FHIP1A: variants seen among roughly 807,000 people sequenced by gnomAD.
FHIP1A encodes the protein FHF complex subunit HOOK-interacting protein 1A.
FHIP1A carries 61 observed loss-of-function variants against 88.6 expected under a neutral mutation model. The observed-to-expected ratio is 0.69, with a 90% confidence interval of 0.56 to 0.85. The LOEUF (loss-of-function observed/expected upper bound fraction) is 0.85. FHIP1A is among the 40% of genes least tolerant of loss of function. The probability of loss-of-function intolerance (pLI) is 0.00; values close to 1 mark genes in which losing one functional copy is unlikely to be tolerated. For synonymous variants in FHIP1A, 478 were observed against 496.0 expected (o/e 0.96, Z 0.48); for missense variants, 1,154 against 1,273.5 (o/e 0.91, Z 1.43).
chr4:151,594,750 T>G (rs1734583012), intron 7 of FHIP1A, among the ~76,000 whole-genome samples: 1 of 152,102 alleles, frequency 6.6e-6, no homozygotes, highest in Non-Finnish European at 1.5e-5. Flanking sequence ...ATTTTTTGTA[T>G]TTTTAGTAGA....
At chr4:151,579,997 CA>C (rs1029536506) in intron 5 of FHIP1A, among the ~76,000 whole-genome samples, 4 of 152,182 alleles carry the variant, frequency 2.6e-5, no homozygotes, top group Admixed American at 1.3e-4. Flanking sequence ...CACATAACCA[CA>C]ATACTGTTAT....
At chr4:151,546,230 T>G (rs1162875973) in intron 3 of FHIP1A, among the ~76,000 whole-genome samples, 3 of 152,204 alleles carry the variant, frequency 2.0e-5, no homozygotes, top group Admixed American at 2.0e-4. Context: ...CTCTTCAGCC[T>G]TTGGACTCCC....
intron 5 of FHIP1A, among the ~76,000 whole-genome samples, chr4:151,584,722 C>T (rs1251412647): frequency 1.3e-5 from 2 of 152,154 alleles, no homozygotes; most frequent in Admixed American, 6.6e-5. Flanking sequence ...TCCCGTTTAC[C>T]TTGCCAGCCT....
intron 3 of FHIP1A, among the ~76,000 whole-genome samples, chr4:151,543,305 G>C (rs565871657): frequency 2.0e-5 from 3 of 152,142 alleles, no homozygotes; most frequent in Admixed American, 6.6e-5. Context: ...TAAACATGCT[G>C]TAAAGTGAAC....
At chr4:151,449,260 A>G (rs1728712671) in intron 1 of FHIP1A, among the ~76,000 whole-genome samples, 1 of 152,130 alleles carries the variant, frequency 6.6e-6, no homozygotes, top group Non-Finnish European at 1.5e-5. Flanking sequence ...TATTTTCACT[A>G]CAATCCTTTG....
intron 3 of FHIP1A, among the ~76,000 whole-genome samples, chr4:151,515,727 G>C (rs1316500168): frequency 6.6e-6 from 1 of 151,678 alleles, no homozygotes; most frequent in Admixed American, 6.6e-5. Context: ...AAATACCTAG[G>C]AATCCAACTT....
At chr4:151,466,359 A>G (rs925808264) in intron 2 of FHIP1A, among the ~76,000 whole-genome samples, 1 of 152,228 alleles carries the variant, frequency 6.6e-6, no homozygotes, top group Non-Finnish European at 1.5e-5. Context: ...AAAACGTTCC[A>G]TGCTCATGGA....
chr4:151,442,097 T>C (rs1244623973), intron 1 of FHIP1A, among the ~76,000 whole-genome samples: 3 of 152,182 alleles, frequency 2.0e-5, no homozygotes, highest in Non-Finnish European at 4.4e-5. Context: ...TGATCACATA[T>C]AATCTTAGTA....
At chr4:151,440,395 A>G (rs1289637053) in intron 1 of FHIP1A, among the ~76,000 whole-genome samples, 1 of 152,202 alleles carries the variant, frequency 6.6e-6, no homozygotes, top group Admixed American at 6.5e-5. Flanking sequence ...TAGGGGCTCA[A>G]AAATATTGTT....
chr4:151,645,550 C>T (rs900198264), intron 9 of FHIP1A, among the ~76,000 whole-genome samples: 2 of 151,080 alleles, frequency 1.3e-5, no homozygotes, highest in African/African-American at 2.4e-5. Context: ...TTTCTCTGCA[C>T]GGCTTCTTTC....
chr4:151,553,466 T>C (rs1005191236), intron 3 of FHIP1A, among the ~76,000 whole-genome samples: 3 of 152,232 alleles, frequency 2.0e-5, no homozygotes, highest in Non-Finnish European at 4.4e-5. Flanking sequence ...TCCTTTAGAA[T>C]GAAGTAATTA....
At chr4:151,611,954 T>C (rs1475450226) in intron 7 of FHIP1A, among the ~76,000 whole-genome samples, 2 of 152,234 alleles carry the variant, frequency 1.3e-5, no homozygotes, top group Non-Finnish European at 2.9e-5. Context: ...TCTTGCCAAA[T>C]CTAAGTGGAG....
In FHIP1A at chr4:151,648,454, C is replaced by T. The variant is rs535714634; in HGVS notation, c.1418-1005C>T. On this transcript the variant is annotated intron_variant, in intron 10 of 13. Coordinates refer to ENST00000435205, the MANE Select transcript of FHIP1A (RefSeq NM_001109977.3). Reference sequence around the variant, plus strand: ...TATGAATTATGTCTACCCTAATGCCCTGGAAATGGGTATCCTTAAAAGCTC... The same window carrying T: ...TATGAATTATGTCTACCCTAATGCCTTGGAAATGGGTATCCTTAAAAGCTC... 7.9e-5 allele frequency among the ~76,000 whole-genome samples: 12 copies of T among 152,126 alleles called. No individual in the cohort carries two copies. The South Asian group carries it at 8.3e-4, about 11-fold the overall frequency.
At chr4:151,610,808 A>G (rs1296757224) in intron 7 of FHIP1A, among the ~76,000 whole-genome samples, 1 of 152,124 alleles carries the variant, frequency 6.6e-6, no homozygotes, top group African/African-American at 2.4e-5. Context: ...TCACTTCTCT[A>G]GAGTTTGCTG....
chr4:151,657,317 C>G (rs548090275), intron 13 of FHIP1A, among the ~76,000 whole-genome samples: 12 of 152,042 alleles, frequency 7.9e-5, no homozygotes, highest in Non-Finnish European at 1.3e-4. Flanking sequence ...GCTCTTGGGC[C>G]AAAAATAAGT....
chr4:151,432,969 G>A (rs908209958), intron 1 of FHIP1A, among the ~76,000 whole-genome samples: 1 of 152,126 alleles, frequency 6.6e-6, no homozygotes, highest in African/African-American at 2.4e-5. Context: ...TTAACATGCA[G>A]AGATGAAGGG....
In FHIP1A at chr4:151,646,570, C is replaced by T. The variant is rs1016906997; in HGVS notation, c.1239C>T (p.Pro413=). 5 of 1,550,934 alleles carry T rather than the reference C, an allele frequency of 3.2e-6. No homozygotes were observed. Among genetic ancestry groups the T allele is most frequent in the Non-Finnish European group, 4.4e-6 (5 of 1,146,536 alleles). The change falls in exon 10 of 14, where the codon CCC becomes CCT. Residue 413 remains proline, a synonymous_variant. Transcript: ENST00000435205. ...TTTGTCATTCTAGGTATCTGATCCC[C>T]TGCAATCACATGATGCTGAGTCAGA... The part of the protein sequence containing the change: ...MLQLVLRYLI[P]CNHMMLSQRW...
At chr4:151,564,292 G>C (rs888602800) in intron 3 of FHIP1A, among the ~76,000 whole-genome samples, 3 of 152,120 alleles carry the variant, frequency 2.0e-5, no homozygotes, top group Non-Finnish European at 2.9e-5. Context: ...GATTTTCTTC[G>C]TTATGATCAT....
chr4:151,450,430 T>G (rs1023003120), intron 1 of FHIP1A, among the ~76,000 whole-genome samples: 4 of 152,212 alleles, frequency 2.6e-5, no homozygotes, highest in Non-Finnish European at 5.9e-5. Context: ...TGTTCTAGTT[T>G]ATGGATATAC....
Sources: gnomAD v4.1 joint callset for allele counts (sites outside exome capture counted in the v4.1 genomes callset) on GRCh38, gnomAD v4.1.1 for gene constraint, MANE v1.5 for transcripts, NCBI Gene and HGNC (gene_info 2026-07-23, HGNC 2026-07-21) for gene names.